The following TACC2 variants were observed in gnomAD, a reference collection of about 807,000 sequenced individuals.
TACC2 encodes the protein transforming acidic coiled-coil-containing protein 2.
TACC2 carries 137 observed loss-of-function variants against 227.3 expected under a neutral mutation model. That is an observed-to-expected ratio of 0.60 (90% CI 0.52 to 0.69). The LOEUF (loss-of-function observed/expected upper bound fraction) is 0.69. Ranked by LOEUF, TACC2 falls within the 30% of genes least tolerant of loss-of-function variation. The pLI is 0.00. For synonymous variants in TACC2, 1,523 were observed against 1,487.5 expected, an observed-to-expected ratio of 1.02 and a Z score of -0.55; for missense variants, 3,470 against 3,694.4, an observed-to-expected ratio of 0.94 and a Z score of 1.57.
At chr10:122,110,611 A>C (rs2083472776) in intron 5 of TACC2, among the ~76,000 whole-genome samples, 1 of 152,148 alleles carries the variant, frequency 6.6e-6, no homozygotes, top group Non-Finnish European at 1.5e-5. Context: ...TTCCTCACAG[A>C]GGTGCCGAGG....
intron 3 of TACC2, among the ~76,000 whole-genome samples, chr10:122,065,280 G>T (rs1380800299): frequency 6.6e-6 from 1 of 152,126 alleles, no homozygotes; most frequent in African/African-American, 2.4e-5. Context: ...TGCTATAAAT[G>T]TCACTCTGAG....
At chr10:122,029,974 C>T (rs1958738060) in intron 2 of TACC2, among the ~76,000 whole-genome samples, 1 of 151,996 alleles carries the variant, frequency 6.6e-6, no homozygotes, top group Admixed American at 6.6e-5. Context: ...AGCAATGTCT[C>T]AGGACAGTTT....
intron 6 of TACC2, among the ~76,000 whole-genome samples, chr10:122,142,691 T>C (rs1365807767): frequency 6.6e-6 from 1 of 152,160 alleles, no homozygotes; most frequent in East Asian, 1.9e-4. Context: ...AGCTACCACC[T>C]CAGGCTGGGT....
At chr10:122,042,991 A>C (rs2074489837) in intron 2 of TACC2, among the ~76,000 whole-genome samples, 2 of 152,110 alleles carry the variant, frequency 1.3e-5, no homozygotes, top group South Asian at 4.2e-4. Context: ...TCTCCCTTTT[A>C]TTTGTACAGT....
At chr10:122,135,881 G>A (rs2089519428) in intron 6 of TACC2, among the ~76,000 whole-genome samples, 1 of 152,218 alleles carries the variant, frequency 6.6e-6, no homozygotes, top group Non-Finnish European at 1.5e-5. Context: ...TTCAACTGTT[G>A]TGCTTTTCCT....
intron 7 of TACC2, among the ~76,000 whole-genome samples, chr10:122,172,233 A>G (rs1442364081): frequency 3.9e-5 from 6 of 152,308 alleles, no homozygotes; most frequent in African/African-American, 7.2e-5. Context: ...ACAGCAGGCT[A>G]TTGGTCTAGG....
At chr10:122,068,978 G>A (rs574024735) in intron 3 of TACC2, among the ~76,000 whole-genome samples, 8 of 146,096 alleles carry the variant, frequency 5.5e-5, no homozygotes, top group South Asian at 2.2e-4. Context: ...CATTACAGGC[G>A]TGAGGCACCG....
At chr10:122,167,727 A>T (rs2093256888) in intron 7 of TACC2, among the ~76,000 whole-genome samples, 1 of 152,186 alleles carries the variant, frequency 6.6e-6, no homozygotes. Context: ...GAGATGCCAC[A>T]TCTGCAAAGA....
Position 122,224,919 on chromosome 10 carries a change from G to A in TACC2, c.7608+132G>A, listed in dbSNP as rs190026440. The A allele has an allele frequency of 1.9e-3, 1,354 of 729,598 alleles. 3 individuals are homozygous for A. The highest frequency in any genetic ancestry group is 2.9e-3 in the Non-Finnish European group (1,206 of 418,374). The allele number at this position is 729,598 out of a possible 1,614,324, so 45.2% of individuals were successfully genotyped here. A position where few individuals can be genotyped will look rare whatever the true frequency, so the allele number is the denominator to read the frequency against. ...TTTCTGTGTACACAGCTTCCCGGGT[G>A]CACAGCAGTGATGGACTGGGGCTGG... On this transcript the variant is annotated intron_variant, in intron 12 of 22. Transcript: ENST00000369005.
Position 122,238,589 on chromosome 10 carries a change from A to G in TACC2, c.8348+552A>G, listed in dbSNP as rs940693733. On this transcript the variant is annotated intron_variant, in intron 18 of 22. Transcript: ENST00000369005. ...CTCAGCCACCCAAGTAACTGGGATT[A>G]CAGGCGCCTGCCACCATGGCTGGCT... is the stretch of plus-strand genomic sequence containing the variant. Among the ~76,000 whole-genome samples, 4 of 152,144 alleles carry G rather than the reference A, an allele frequency of 2.6e-5. No individual in the cohort carries two copies. The East Asian group carries it at 7.7e-4, about 29-fold the overall frequency.
At position 122,114,582 on chromosome 10, in the gene TACC2, C is replaced by T. The variant is rs184213238; in HGVS notation, c.5574-18027C>T. Among the ~76,000 whole-genome samples the T allele has an allele frequency of 2.6e-5, 4 of 152,284 alleles. No homozygotes were observed. In the East Asian group the frequency reaches 7.7e-4, roughly 29 times the overall value. On this transcript the variant is annotated intron_variant, in intron 5 of 22. Transcript: ENST00000369005. ...ACGGGGCTCTTTCTCACAGGCTCTG[C>T]CTGGGACTAATTCTCCGGGAAGGAA...
chr10:122,102,248 G>C (rs73370174), intron 5 of TACC2, among the ~76,000 whole-genome samples: 10,444 of 152,222 alleles, frequency 0.069, 488 homozygotes, highest in Middle Eastern at 0.13. Context: ...CGGTTTAATG[G>C]ATATGCGGGT....
At chr10:122,164,878 A>G (rs2093059557) in intron 7 of TACC2, among the ~76,000 whole-genome samples, 1 of 152,104 alleles carries the variant, frequency 6.6e-6, no homozygotes, top group Non-Finnish European at 1.5e-5. Flanking sequence ...GTGGGTTCTT[A>G]AGAGTCATGG....
intron 8 of TACC2, among the ~76,000 whole-genome samples, chr10:122,203,922 G>A (rs1438818462): frequency 1.3e-5 from 2 of 152,146 alleles, no homozygotes; most frequent in Admixed American, 6.5e-5. Context: ...TCGGGAGGCC[G>A]AGGCTGGCGG....
chr10:122,241,770 TGCACAAGGGAGTGGCATATTTAGAGTCAC>T, intron 18 of TACC2, 159 bp from the exon 19 acceptor site: 1 of 621,712 alleles, frequency 1.6e-6, no homozygotes, highest in South Asian at 1.9e-5. Context: ...TTGAAGGCTT[TGCACAAGGGAGTGGCATATTTAGAGTCAC>T]GCACCAGGAA....
At chr10:122,042,562 T>A (rs2136039849) in intron 2 of TACC2, among the ~76,000 whole-genome samples, 1 of 152,314 alleles carries the variant, frequency 6.6e-6, no homozygotes, top group East Asian at 1.9e-4. Flanking sequence ...GATTAACTGC[T>A]TTTGCTCTAA....
rs951728854 is a variant in TACC2 at position 122,150,816 on chromosome 10, T to G, written c.5834+7110T>G. The stretch of plus-strand genomic sequence containing the variant: ...TCATGCAGCGTTCCTGGGTCCTTTC[T>G]TCTGCTTTGTTTGCATTTTTTGATC... On this transcript the variant is annotated intron_variant, in intron 7 of 22. Coordinates refer to ENST00000369005, the MANE Select transcript of TACC2 (RefSeq NM_206862.4). This position sits in a 1 kb window ranked among gnomAD's most constrained non-coding sequence, Gnocchi z 4.0. 3.3e-5 allele frequency among the ~76,000 whole-genome samples: 5 copies of G among 152,256 alleles called. No individual in the cohort carries two copies. The highest frequency in any genetic ancestry group is 9.6e-5 in the African/African-American group (4 of 41,460).
At chr10:122,129,887 T>G (rs1023838493) in intron 5 of TACC2, among the ~76,000 whole-genome samples, 3 of 152,226 alleles carry the variant, frequency 2.0e-5, no homozygotes, top group Non-Finnish European at 4.4e-5. Flanking sequence ...TGCACACATG[T>G]GCTAGTCCAA....
intron 5 of TACC2, among the ~76,000 whole-genome samples, chr10:122,123,997 A>ACAAAAATT (rs2086344697): frequency 6.6e-6 from 1 of 151,940 alleles, no homozygotes; most frequent in African/African-American, 2.4e-5. Flanking sequence ...TATTTTTAGT[A>ACAAAAATT]GAGATGGGGT....
Sources: allele counts gnomAD v4.1 joint callset (sites outside exome capture counted in the v4.1 genomes callset), GRCh38; gene constraint gnomAD v4.1.1; non-coding constraint Gnocchi (gnomAD v3.1); transcripts MANE v1.5; gene names NCBI Gene and HGNC (gene_info 2026-07-23, HGNC 2026-07-21).